Variants in CRIP2 observed in about 807,000 individuals in gnomAD.
The protein encoded by CRIP2 is cysteine rich protein 2, also known as cysteine-rich protein 2.
A neutral mutation model predicts 31.3 loss-of-function variants in CRIP2; 31 were observed. The ratio of observed to expected loss-of-function variants is 0.99; its 90% confidence interval spans 0.74 to 1.34. The LOEUF (loss-of-function observed/expected upper bound fraction) is 1.34, where lower values mean the gene tolerates loss of function less well. CRIP2 is among the 40% of genes most tolerant of loss of function. The pLI is 0.00. For missense variants in CRIP2, 389 were observed against 301.6 expected, an observed-to-expected ratio of 1.29 and a Z score of -2.15; for synonymous variants, 177 against 127.2, an observed-to-expected ratio of 1.39 and a Z score of -2.63.
At position 105,478,961 on chromosome 14, in the gene CRIP2, G is replaced by C. The variant is rs1555436587; in HGVS notation, c.338-18G>C. ...GGCACCCCCGGCCCCGCCCCGCCCT[G>C]ACTCGTGCGCCCCACAGCCTCCAGT... On this transcript the variant is annotated intron_variant, in intron 4 of 7. Transcript: ENST00000329146. The surrounding 1 kb of genome is among the most constrained non-coding windows in gnomAD (Gnocchi z 4.9). 3 of 1,553,152 alleles carry C rather than the reference G, an allele frequency of 1.9e-6. No individual in the cohort carries two copies. Among genetic ancestry groups the C allele is most frequent in the Non-Finnish European group, 2.6e-6 (3 of 1,155,152 alleles).
upstream of CRIP2, chr14:105,474,356 G>C (rs2083888933): frequency 6.6e-6 from 1 of 151,662 alleles, no homozygotes; most frequent in Admixed American, 6.6e-5. This position sits in a 1 kb window ranked among gnomAD's most constrained non-coding sequence, Gnocchi z 5.1. Flanking sequence ...CAGGCGCCGC[G>C]CGCGGCGGGG....
In CRIP2 at chr14:105,479,767, GGCGA is replaced by G; in HGVS notation, c.*116_*119del. On this transcript the variant is annotated 3_prime_UTR_variant, in exon 8 of 8. Coordinates refer to ENST00000329146, the MANE Select transcript of CRIP2 (RefSeq NM_001312.4). ...CGCCCAGTCCTGCCTGCAAGCCCAG[GGCGA>G]GTATTGGAGGAGGGGCAGCCACGGG... 8.3e-7 allele frequency: 1 copy of G among 1,200,242 alleles called. No homozygotes were observed. The highest frequency in any genetic ancestry group is 1.2e-6 in the Non-Finnish European group (1 of 849,420). The allele number at this position is 1,200,242 out of a possible 1,614,324, so 74.3% of individuals were successfully genotyped here.
chr14:105,473,584 A>T (rs1322713305), upstream of CRIP2: 3 of 1,474,624 alleles, frequency 2.0e-6, no homozygotes, highest in Non-Finnish European at 2.7e-6. Flanking sequence ...CTGCCCCCAT[A>T]GGGCCTGATC....
At chr14:105,476,017 G>C (rs1375083357) in intron 1 of CRIP2, 1 of 985,414 alleles carries the variant, frequency 1.0e-6, no homozygotes, top group African/African-American at 1.7e-5. Context: ...TCCCAGAGGG[G>C]AGGGACCGGA....
intron 1 of CRIP2, among the ~76,000 whole-genome samples, chr14:105,477,986 G>A (rs1413133615): frequency 2.0e-5 from 3 of 151,308 alleles, no homozygotes; most frequent in African/African-American, 4.9e-5. Flanking sequence ...GGCACTGAGG[G>A]GACTAACAGG....
upstream of CRIP2, chr14:105,473,328 G>T: frequency 6.5e-7 from 1 of 1,528,278 alleles, no homozygotes; most frequent in Non-Finnish European, 8.8e-7. Flanking sequence ...TCAGTCGGGC[G>T]GGGGGGCGGG....
In CRIP2 at chr14:105,478,297, G is replaced by C; in HGVS notation, c.75G>C (p.Trp25Cys). Reference protein sequence around the residue: ...AEKVSSLGKDWHKFCLKCERC... With the variant: ...AEKVSSLGKDCHKFCLKCERC... Reference sequence around the variant, plus strand: ...AGGTGAGCTCCCTGGGGAAGGACTGGCACAAGTTCTGCCTCAAGTGCGAGC... The same window carrying C: ...AGGTGAGCTCCCTGGGGAAGGACTGCCACAAGTTCTGCCTCAAGTGCGAGC... The change falls in exon 2 of 8, where the codon TGG becomes TGC. Residue 25 changes from tryptophan to cysteine, a missense_variant. By Grantham distance (215) the Trp-to-Cys change is radical (BLOSUM62 -2). Transcript: ENST00000329146. The surrounding 1 kb of genome is among the most constrained non-coding windows in gnomAD (Gnocchi z 4.9). The C allele has an allele frequency of 5.7e-6, 9 of 1,572,518 alleles. No individual in the cohort carries two copies. The highest frequency in any genetic ancestry group is 7.8e-6 in the Non-Finnish European group (9 of 1,161,024).
In CRIP2 at chr14:105,479,071, A is replaced by ACCCCCGCCCCCGCCCCCG. The variant is rs781950464; in HGVS notation, c.406+29_407-32dup. 7 of 1,519,446 alleles carry ACCCCCGCCCCCGCCCCCG rather than the reference A, an allele frequency of 4.6e-6. No homozygotes were observed. In the African/African-American group the frequency reaches 8.4e-5, roughly 18 times the overall value. The allele number at this position is 1,519,446 out of a possible 1,614,324, so 94.1% of individuals were successfully genotyped here. On this transcript the variant is annotated intron_variant, in intron 5 of 7. Coordinates refer to ENST00000329146, the MANE Select transcript of CRIP2 (RefSeq NM_001312.4). ...CGGTGAGTGCGCGCCCGGGCCCCGG[A>ACCCCCGCCCCCGCCCCCG]CCCCCGCCCCCGCCCCCGCCCCGGG...
At chr14:105,475,014 C>G (rs587699417) in intron 1 of CRIP2, 109 bp downstream of exon 1, 96 of 1,226,176 alleles carry the variant, frequency 7.8e-5, no homozygotes, top group Non-Finnish European at 9.8e-5. Context: ...GCCCCGGCCC[C>G]GGACCGAGGA....
At position 105,479,064 on chromosome 14, in the gene CRIP2, G is replaced by A; in HGVS notation, c.406+17G>A. On this transcript the variant is annotated intron_variant, in intron 5 of 7. Coordinates refer to ENST00000329146, the MANE Select transcript of CRIP2 (RefSeq NM_001312.4). The stretch of plus-strand genomic sequence containing the variant: ...TGTACTTCGGTGAGTGCGCGCCCGG[G>A]CCCCGGACCCCCGCCCCCGCCCCCG... 1.3e-6 allele frequency: 2 copies of A among 1,565,784 alleles called. No homozygotes were observed. The highest frequency in any genetic ancestry group is 1.7e-6 in the Non-Finnish European group (2 of 1,156,654).
Position 105,478,985 on chromosome 14 carries a change from G to C in CRIP2, c.344G>C (p.Ser115Thr). The C allele has an allele frequency of 6.4e-7, 1 of 1,571,902 alleles. No homozygotes were observed. The highest frequency in any genetic ancestry group is 2.4e-5 in the East Asian group (1 of 42,470). The stretch of plus-strand genomic sequence containing the variant: ...TGACTCGTGCGCCCCACAGCCTCCA[G>C]TGTCACCACTTTCACCGGGGAGCCC... ...GPPKGPSRASSVTTFTGEPNT... is the reference protein window; with the variant it reads ...GPPKGPSRASTVTTFTGEPNT... The change falls in exon 5 of 8, where the codon AGT (serine) becomes ACT (threonine). Residue 115 changes from serine to threonine, a missense_variant. Physicochemically the swap from Ser to Thr is moderately conservative, Grantham distance 58. Coordinates refer to ENST00000329146, the MANE Select transcript of CRIP2 (RefSeq NM_001312.4). The surrounding 1 kb of genome is among the most constrained non-coding windows in gnomAD (Gnocchi z 4.9).
In CRIP2 at chr14:105,478,155, T is replaced by C. The variant is rs1174471432; in HGVS notation, c.44-111T>C. The stretch of plus-strand genomic sequence containing the variant: ...GTGGAAGGAAGGCGCCTGGGAGACC[T>C]CCTGAAAGTGGGGACCCCCGGAGCG... On this transcript the variant is annotated intron_variant, in intron 1 of 7. Transcript: ENST00000329146. This position sits in a 1 kb window ranked among gnomAD's most constrained non-coding sequence, Gnocchi z 4.9. 1.2e-6 allele frequency: 1 copy of C among 820,674 alleles called. No individual in the cohort carries two copies. Among genetic ancestry groups the C allele is most frequent in the African/African-American group, 1.8e-5 (1 of 54,056 alleles). The allele number at this position is 820,674 out of a possible 1,614,324, so 50.8% of individuals were successfully genotyped here. A position where few individuals can be genotyped will look rare whatever the true frequency, so the allele number is the denominator to read the frequency against.
rs782081712 is a variant in CRIP2 at position 105,478,515 on chromosome 14, C to T, written c.196+8C>T. 5 of 1,607,608 alleles carry T rather than the reference C, an allele frequency of 3.1e-6. No homozygotes were observed. Among genetic ancestry groups the T allele is most frequent in the Non-Finnish European group, 4.2e-6 (5 of 1,178,432 alleles). Reference sequence around the variant, plus strand: ...CCCTGTTCGGACCCAAAGGTGAGCTCCGGCTGCCCTCGGCCTGCCCTGGGA... The same window carrying T: ...CCCTGTTCGGACCCAAAGGTGAGCTTCGGCTGCCCTCGGCCTGCCCTGGGA... On this transcript the variant is annotated splice_region_variant and intron_variant, in intron 3 of 7. Coordinates refer to ENST00000329146, the MANE Select transcript of CRIP2 (RefSeq NM_001312.4). The surrounding 1 kb of genome is among the most constrained non-coding windows in gnomAD (Gnocchi z 4.9).
rs2084020037 is a variant in CRIP2 at position 105,478,953 on chromosome 14, C to T, written c.338-26C>T. 7 of 1,545,850 alleles carry T rather than the reference C, an allele frequency of 4.5e-6. No individual in the cohort carries two copies. The highest frequency in any genetic ancestry group is 1.4e-5 in the African/African-American group (1 of 72,902). ...GGGTTGTGGGCACCCCCGGCCCCGC[C>T]CCGCCCTGACTCGTGCGCCCCACAG... On this transcript the variant is annotated intron_variant, in intron 4 of 7. Transcript: ENST00000329146. This position sits in a 1 kb window ranked among gnomAD's most constrained non-coding sequence, Gnocchi z 4.9.
chr14:105,473,503 GA>G, upstream of CRIP2: 1 of 1,535,352 alleles, frequency 6.5e-7, no homozygotes, highest in Non-Finnish European at 8.7e-7. Flanking sequence ...GCACCAGGCA[GA>G]GGGAACAGGT....
At position 105,479,578 on chromosome 14, in the gene CRIP2, C is replaced by T. The variant is rs782484806; in HGVS notation, c.560-8C>T. The T allele has an allele frequency of 3.1e-6, 5 of 1,612,734 alleles. No homozygotes were observed. The highest frequency in any genetic ancestry group is 4.5e-5 in the East Asian group (2 of 44,900). On this transcript the variant is annotated splice_polypyrimidine_tract_variant and splice_region_variant and intron_variant, in intron 7 of 7. Transcript: ENST00000329146. ...CCCCCGACCCACCCCAGCGGCCTCC[C>T]TCCACAGGAGTGAACACCGGTGCGG... is the stretch of plus-strand genomic sequence containing the variant.
chr14:105,475,131 G>T (rs890903719), intron 1 of CRIP2, among the ~76,000 whole-genome samples: 1 of 152,220 alleles, frequency 6.6e-6, no homozygotes, highest in Non-Finnish European at 1.5e-5. Context: ...AGCGGCTTGT[G>T]GGGGCGGGGC....
At position 105,478,447 on chromosome 14, in the gene CRIP2, C is replaced by T; in HGVS notation, c.139-3C>T. On this transcript the variant is annotated splice_polypyrimidine_tract_variant and splice_region_variant and intron_variant, in intron 2 of 7. Coordinates refer to ENST00000329146, the MANE Select transcript of CRIP2 (RefSeq NM_001312.4). This position sits in a 1 kb window ranked among gnomAD's most constrained non-coding sequence, Gnocchi z 4.9. ...GGGTCCTGACCCGCGCCCCTCTGCG[C>T]AGCATGACGGGAAGCCGTTCTGCCA... is the stretch of plus-strand genomic sequence containing the variant. The T allele has an allele frequency of 6.2e-7, 1 of 1,604,184 alleles. No homozygotes were observed. Among genetic ancestry groups the T allele is most frequent in the Non-Finnish European group, 8.5e-7 (1 of 1,178,316 alleles).
At chr14:105,476,410 C>T (rs1177391717) in intron 1 of CRIP2, 12 of 985,428 alleles carry the variant, frequency 1.2e-5, no homozygotes, top group Non-Finnish European at 1.3e-5. Flanking sequence ...CCCCGCAGCT[C>T]ATACCTGAGT....
Sources: gnomAD v4.1 joint callset for allele counts (sites outside exome capture counted in the v4.1 genomes callset) on GRCh38, gnomAD v4.1.1 for gene constraint, Gnocchi (gnomAD v3.1) non-coding constraint, MANE v1.5 for transcripts, NCBI Gene and HGNC (gene_info 2026-07-23, HGNC 2026-07-21) for gene names.